The following RASA1 variants were observed in gnomAD, a reference collection of about 807,000 sequenced individuals.
RASA1 encodes ras GTPase-activating protein 1.
In RASA1, 25 loss-of-function variants were observed where a neutral mutation model predicts 132.2. The observed-to-expected ratio is 0.19, with a 90% confidence interval of 0.14 to 0.26. The LOEUF (loss-of-function observed/expected upper bound fraction) is 0.26, where lower values mean the gene tolerates loss of function less well. RASA1 is among the 10% of genes least tolerant of loss of function. RASA1 has a pLI of 1.00. For missense variants in RASA1, 964 were observed against 1,299.2 expected (o/e 0.74, Z 3.97); for synonymous variants, 477 against 449.9 (o/e 1.06, Z -0.76).
Position 87,375,380 on chromosome 5 carries a change from C to A in RASA1, c.2011+464C>A, listed in dbSNP as rs200737229. ...GGTTCAAGCAATTCTCCTGCCTCAG[C>A]CTCCTGAGTATCTGGGACTACAGGC... is the stretch of plus-strand genomic sequence containing the variant. On this transcript the variant is annotated intron_variant, in intron 15 of 24. Coordinates refer to ENST00000274376, the MANE Select transcript of RASA1 (RefSeq NM_002890.3). Among the ~76,000 whole-genome samples the A allele has an allele frequency of 2.0e-5, 3 of 152,008 alleles. No homozygotes were observed. In the East Asian group the frequency reaches 5.8e-4, roughly 29 times the overall value.
chr5:87,389,158 A>G, intron 23 of RASA1: 1 of 416,862 alleles, frequency 2.4e-6, no homozygotes, highest in South Asian at 2.2e-5. Flanking sequence ...ACTACAGAGA[A>G]AGATTTGTAT....
Position 87,338,536 on chromosome 5 carries a change from A to ATATATATATTT in RASA1, c.1017+446_1017+447insATATATATTTT. On this transcript the variant is annotated intron_variant, in intron 5 of 24. Coordinates refer to ENST00000274376, the MANE Select transcript of RASA1 (RefSeq NM_002890.3). The stretch of plus-strand genomic sequence containing the variant: ...ATATATATATATATATATATATAAA[A>ATATATATATTT]TTTTTTTTTTTTTTAAGTAGAAATG... Among the ~76,000 whole-genome samples, 131 of 85,182 alleles carry ATATATATATTT rather than the reference A, an allele frequency of 1.5e-3. 3 individuals carry two copies. Among genetic ancestry groups the ATATATATATTT allele is most frequent in the Non-Finnish European group, 2.3e-3 (100 of 43,110 alleles). The allele number at this position is 85,182 out of a possible 152,430, so 55.9% of individuals were successfully genotyped here.
At chr5:87,300,781 T>C (rs1423747190) in intron 1 of RASA1, among the ~76,000 whole-genome samples, 1 of 152,160 alleles carries the variant, frequency 6.6e-6, no homozygotes, top group Non-Finnish European at 1.5e-5. Flanking sequence ...AAAAGATGAT[T>C]ATATGATTAA....
intron 4 of RASA1, among the ~76,000 whole-genome samples, chr5:87,335,171 T>G (rs1037865476): frequency 2.0e-5 from 3 of 151,876 alleles, no homozygotes; most frequent in Admixed American, 6.6e-5. Flanking sequence ...CATGAGCCAC[T>G]GCACCTGGCT....
intron 1 of RASA1, among the ~76,000 whole-genome samples, chr5:87,329,278 C>T (rs1443207843): frequency 1.4e-5 from 2 of 146,260 alleles, no homozygotes; most frequent in Non-Finnish European, 3.0e-5. Context: ...AACTCTGTCT[C>T]TCCAAAAAAA....
chr5:87,386,952 A>G (rs971430715), intron 23 of RASA1, 49 bp downstream of exon 23: 3 of 1,469,594 alleles, frequency 2.0e-6, no homozygotes, highest in African/African-American at 2.8e-5. Context: ...TAGTTGATAT[A>G]GCTGAGTTAA....
chr5:87,276,959 T>C (rs1029666747), intron 1 of RASA1, among the ~76,000 whole-genome samples: 12 of 152,194 alleles, frequency 7.9e-5, no homozygotes, highest in Admixed American at 2.0e-4. Context: ...AATCCGATTC[T>C]CATACTGTTT....
chr5:87,286,492 T>TA (rs879676477), intron 1 of RASA1, among the ~76,000 whole-genome samples: 40 of 148,120 alleles, frequency 2.7e-4, no homozygotes, highest in East Asian at 5.9e-4. Flanking sequence ...ATATTTAAAT[T>TA]AAAAAAAAAA....
At chr5:87,319,630 G>A (rs370443659) in intron 1 of RASA1, among the ~76,000 whole-genome samples, 7 of 152,156 alleles carry the variant, frequency 4.6e-5, no homozygotes, top group African/African-American at 1.7e-4. Flanking sequence ...CAAGGATGCA[G>A]TTAGCAGCAG....
intron 1 of RASA1, among the ~76,000 whole-genome samples, chr5:87,274,601 G>A (rs1160293893): frequency 6.6e-6 from 1 of 152,108 alleles, no homozygotes. Context: ...TGGGAGAAAA[G>A]GGAGTATTAG....
At chr5:87,329,897 C>T (rs1757489600) in intron 1 of RASA1, among the ~76,000 whole-genome samples, 1 of 152,076 alleles carries the variant, frequency 6.6e-6, no homozygotes, top group Non-Finnish European at 1.5e-5. Flanking sequence ...GGTTCATTTA[C>T]GATCTCTGGT....
intron 1 of RASA1, among the ~76,000 whole-genome samples, chr5:87,296,839 G>T (rs1755142395): frequency 6.6e-6 from 1 of 151,966 alleles, no homozygotes; most frequent in South Asian, 2.1e-4. Flanking sequence ...TCTGTGGTTT[G>T]GTGTCTGATA....
intron 18 of RASA1, among the ~76,000 whole-genome samples, chr5:87,379,060 A>C (rs1171804634): frequency 6.6e-6 from 1 of 152,228 alleles, no homozygotes; most frequent in Admixed American, 6.5e-5. Context: ...TTTAATGGTA[A>C]AGCAACTACA....
At chr5:87,330,894 G>A in intron 1 of RASA1, 2 of 1,222,030 alleles carry the variant, frequency 1.6e-6, no homozygotes, top group Non-Finnish European at 2.1e-6. Flanking sequence ...CCTGTCGCAG[G>A]GCACAAACAC....
At chr5:87,377,098 G>C (rs1415301640) in intron 17 of RASA1, 58 bp downstream of exon 17, 2 of 1,531,714 alleles carry the variant, frequency 1.3e-6, no homozygotes, top group African/African-American at 1.4e-5. Context: ...TTATATCAAG[G>C]ATATATGGAC....
At chr5:87,301,663 T>C (rs1755370037) in intron 1 of RASA1, among the ~76,000 whole-genome samples, 1 of 152,132 alleles carries the variant, frequency 6.6e-6, no homozygotes, top group African/African-American at 2.4e-5. Flanking sequence ...GGGGGCTTTA[T>C]TTGCATTATA....
intron 11 of RASA1, chr5:87,366,401 T>C: frequency 2.4e-6 from 1 of 411,950 alleles, no homozygotes; most frequent in Admixed American, 2.6e-5. Context: ...AGGTCCACAT[T>C]ACACTTGATG....
intron 11 of RASA1, among the ~76,000 whole-genome samples, chr5:87,365,902 A>C (rs543528913): frequency 1.5e-4 from 23 of 152,258 alleles, no homozygotes; most frequent in South Asian, 4.1e-4. Context: ...GTAGACCTGA[A>C]TTCCATATTA....
At chr5:87,279,707 T>A (rs1754227819) in intron 1 of RASA1, among the ~76,000 whole-genome samples, 1 of 152,252 alleles carries the variant, frequency 6.6e-6, no homozygotes, top group African/African-American at 2.4e-5. Context: ...TTTTTACTGA[T>A]ATCTCATTGT....
Sources: allele counts gnomAD v4.1 joint callset (sites outside exome capture counted in the v4.1 genomes callset), GRCh38; gene constraint gnomAD v4.1.1; transcripts MANE v1.5; gene names NCBI Gene and HGNC (gene_info 2026-07-23, HGNC 2026-07-21).